The following GRIK1 variants were observed in gnomAD, a reference collection of about 807,000 sequenced individuals.
GRIK1 encodes the protein glutamate ionotropic receptor kainate type subunit 1.
GRIK1 carries 69 observed loss-of-function variants against 105.7 expected under a neutral mutation model. That is an observed-to-expected ratio of 0.65 (90% CI 0.54 to 0.80). The LOEUF (loss-of-function observed/expected upper bound fraction) is 0.80, where lower values mean the gene tolerates loss of function less well. Among genes scored for constraint, GRIK1 ranks in the 30% least tolerant of loss-of-function variants. The probability of loss-of-function intolerance (pLI) is 0.00; values close to 1 mark genes in which losing one functional copy is unlikely to be tolerated. For synonymous variants in GRIK1, 438 were observed against 431.3 expected (o/e 1.02, Z -0.19); for missense variants, 1,109 against 1,167.3 (o/e 0.95, Z 0.73).
chr21:29,579,963 G>GTATATA (rs1386008921), intron 13 of GRIK1, among the ~76,000 whole-genome samples: 1 of 122,914 alleles, frequency 8.1e-6, no homozygotes, highest in Non-Finnish European at 1.7e-5. Context: ...ATATGTGTGT[G>GTATATA]TGTATATATA....
At chr21:29,549,440 A>G (rs1376476796) in intron 16 of GRIK1, among the ~76,000 whole-genome samples, 1 of 152,216 alleles carries the variant, frequency 6.6e-6, no homozygotes, top group Non-Finnish European at 1.5e-5. Flanking sequence ...ATGTGACTTA[A>G]TTTGGGAAAA....
At chr21:29,836,785 A>C (rs2067820220) in intron 1 of GRIK1, among the ~76,000 whole-genome samples, 1 of 152,210 alleles carries the variant, frequency 6.6e-6, no homozygotes, top group South Asian at 2.1e-4. Flanking sequence ...ATGCTAAAAA[A>C]TGTAATTTCA....
intron 7 of GRIK1, among the ~76,000 whole-genome samples, chr21:29,640,385 G>A (rs2062487386): frequency 6.6e-6 from 1 of 152,130 alleles, no homozygotes; most frequent in African/African-American, 2.4e-5. Flanking sequence ...CATCTTCTCT[G>A]TAGGTACCTA....
intron 1 of GRIK1, among the ~76,000 whole-genome samples, chr21:29,914,370 A>C (rs761401756): frequency 5.9e-5 from 9 of 152,048 alleles, no homozygotes; most frequent in Non-Finnish European, 1.0e-4. Context: ...GACTTCCGAG[A>C]AAGCTCCCGA....
intron 7 of GRIK1, among the ~76,000 whole-genome samples, chr21:29,614,055 T>C (rs1321407522): frequency 6.6e-6 from 1 of 152,172 alleles, no homozygotes; most frequent in African/African-American, 2.4e-5. Flanking sequence ...TCTCTGGGGA[T>C]TTAGATAACA....
chr21:29,575,440 A>C (rs2090867334), intron 14 of GRIK1, among the ~76,000 whole-genome samples: 2 of 152,274 alleles, frequency 1.3e-5, no homozygotes, highest in South Asian at 4.1e-4. Flanking sequence ...ATACCTCCTA[A>C]ATCTATAAAC....
At chr21:29,689,036 T>C (rs2063535545) in intron 3 of GRIK1, among the ~76,000 whole-genome samples, 1 of 151,698 alleles carries the variant, frequency 6.6e-6, no homozygotes, top group Non-Finnish European at 1.5e-5. Flanking sequence ...CAATGGAGGG[T>C]CACTGCCTGA....
chr21:29,907,238 C>T (rs2070676125), intron 1 of GRIK1, among the ~76,000 whole-genome samples: 1 of 151,498 alleles, frequency 6.6e-6, no homozygotes, highest in Admixed American at 6.6e-5. Context: ...AATTCAGAGT[C>T]CCTAAAAATT....
At chr21:29,704,973 T>G (rs917096266) in intron 1 of GRIK1, among the ~76,000 whole-genome samples, 1 of 152,252 alleles carries the variant, frequency 6.6e-6, no homozygotes, top group Non-Finnish European at 1.5e-5. Context: ...TTTTAGCTTT[T>G]AACATCTCAT....
chr21:29,653,111 C>G (rs2062775613), intron 5 of GRIK1, among the ~76,000 whole-genome samples: 1 of 151,898 alleles, frequency 6.6e-6, no homozygotes, highest in Non-Finnish European at 1.5e-5. Flanking sequence ...CCAACCAGGA[C>G]AGAATGCAGA....
intron 1 of GRIK1, among the ~76,000 whole-genome samples, chr21:29,793,024 T>C (rs1025060157): frequency 1.6e-4 from 25 of 152,156 alleles, no homozygotes; most frequent in African/African-American, 4.6e-4. Flanking sequence ...TTAATGCACC[T>C]TCATTGCACG....
intron 16 of GRIK1, among the ~76,000 whole-genome samples, chr21:29,548,605 T>C (rs999005315): frequency 4.6e-5 from 7 of 152,232 alleles, no homozygotes; most frequent in Non-Finnish European, 1.0e-4. Context: ...TTAAAGGCTG[T>C]TCAGACTCTC....
At chr21:29,912,698 T>G (rs2070860054) in intron 1 of GRIK1, among the ~76,000 whole-genome samples, 1 of 152,068 alleles carries the variant, frequency 6.6e-6, no homozygotes, top group South Asian at 2.1e-4. Flanking sequence ...CATCTCAATA[T>G]GATTTTTCAT....
At chr21:29,688,289 C>T (rs1000317720) in intron 3 of GRIK1, among the ~76,000 whole-genome samples, 8 of 152,176 alleles carry the variant, frequency 5.3e-5, no homozygotes, top group Non-Finnish European at 8.8e-5. Flanking sequence ...CAACCACACT[C>T]GTCACTTTTA....
At chr21:29,790,463 CT>C (rs111328335) in intron 1 of GRIK1, among the ~76,000 whole-genome samples, 595 of 145,276 alleles carry the variant, frequency 4.1e-3, no homozygotes, top group Non-Finnish European at 5.1e-3. Context: ...TTCTTTCTTT[CT>C]TTTTTTTTTT....
intron 1 of GRIK1, among the ~76,000 whole-genome samples, chr21:29,695,434 C>T (rs1053476618): frequency 6.9e-6 from 1 of 145,484 alleles, no homozygotes; most frequent in Non-Finnish European, 1.5e-5. Context: ...ATATCTATAT[C>T]AATATCTATC....
intron 1 of GRIK1, among the ~76,000 whole-genome samples, chr21:29,877,191 T>C (rs995961059): frequency 6.6e-6 from 1 of 152,172 alleles, no homozygotes; most frequent in African/African-American, 2.4e-5. Context: ...AGTAATAAAA[T>C]ATTTTACAGC....
chr21:29,628,952 G>A (rs1299327484), intron 7 of GRIK1, among the ~76,000 whole-genome samples: 2 of 152,128 alleles, frequency 1.3e-5, no homozygotes, highest in Admixed American at 6.5e-5. Flanking sequence ...GTCTGGTTGA[G>A]TGAGATATTA....
intron 1 of GRIK1, among the ~76,000 whole-genome samples, chr21:29,937,946 T>G (rs2146384981): frequency 6.6e-6 from 1 of 152,334 alleles, no homozygotes; most frequent in South Asian, 2.1e-4. Context: ...GAAACTATTT[T>G]AGAAAAGACT....
Sources: gnomAD v4.1 joint callset for allele counts (sites outside exome capture counted in the v4.1 genomes callset) on GRCh38, gnomAD v4.1.1 for gene constraint, MANE v1.5 for transcripts, NCBI Gene and HGNC (gene_info 2026-07-23, HGNC 2026-07-21) for gene names.